The following ASIC2 variants were observed in gnomAD, a reference collection of about 807,000 sequenced individuals.
ASIC2 encodes acid sensing ion channel subunit 2, also known as acid-sensing ion channel 2.
Under a neutral mutation model 57.3 loss-of-function variants are expected in ASIC2, and 25 were observed. That is an observed-to-expected ratio of 0.44 (90% CI 0.32 to 0.61). ASIC2 has a LOEUF of 0.61. Ranked by LOEUF, ASIC2 falls within the 20% of genes least tolerant of loss-of-function variation. The pLI is 0.06. For synonymous variants in ASIC2, 319 were observed against 307.5 expected (o/e 1.04, Z -0.39); for missense variants, 641 against 738.1 (o/e 0.87, Z 1.52).
chr17:33,101,469 C>T (rs2092211863), intron 2 of ASIC2, among the ~76,000 whole-genome samples: 1 of 152,214 alleles, frequency 6.6e-6, no homozygotes, highest in African/African-American at 2.4e-5. Flanking sequence ...GAAGCAACAA[C>T]TTTCAACTGT....
In ASIC2 at chr17:33,281,849, C is replaced by T. The variant is rs1366304960; in HGVS notation, c.708+9559G>A. Among the ~76,000 whole-genome samples the T allele has an allele frequency of 2.0e-5, 3 of 152,158 alleles. No individual in the cohort carries two copies. In the South Asian group the frequency reaches 6.2e-4, roughly 32 times the overall value. On this transcript the variant is annotated intron_variant, in intron 1 of 9. Coordinates refer to ENST00000225823, the MANE Select transcript of ASIC2 (RefSeq NM_183377.2). Reference sequence around the variant, plus strand: ...AGGGTAAGCAGCTCTCTAACGGCCACCCAGCCAACATAATACCTGGCAAAG... The same window carrying T: ...AGGGTAAGCAGCTCTCTAACGGCCATCCAGCCAACATAATACCTGGCAAAG...
At chr17:33,582,268 G>A (rs1044644717) in intron 1 of ASIC2, among the ~76,000 whole-genome samples, 1 of 152,188 alleles carries the variant, frequency 6.6e-6, no homozygotes, top group Non-Finnish European at 1.5e-5. Flanking sequence ...TTATTTGGAG[G>A]CCTTACAGCC....
intron 1 of ASIC2, among the ~76,000 whole-genome samples, chr17:33,816,028 C>A (rs1198765610): frequency 6.6e-6 from 1 of 152,034 alleles, no homozygotes; most frequent in Non-Finnish European, 1.5e-5. Context: ...CATAGGGACA[C>A]TTTGTTATAT....
chr17:33,383,456 G>T (rs1190178881), intron 1 of ASIC2, among the ~76,000 whole-genome samples: 3 of 152,216 alleles, frequency 2.0e-5, no homozygotes, highest in African/African-American at 7.2e-5. Flanking sequence ...TTGATACCAA[G>T]AAATGGATAC....
rs1286153949 is a variant in ASIC2, at chr17:33,957,193, G to T, written c.555+198785C>A. On this transcript the variant is annotated intron_variant, in intron 1 of 9. Transcript: ENST00000359872. ...CCTACATATCCAAAGCTCTGAATTC[G>T]ACTCTGACCCAGATGCTACAACTAT... 2.0e-5 allele frequency among the ~76,000 whole-genome samples: 3 copies of T among 152,094 alleles called. 1 individual carries two copies. Among genetic ancestry groups the T allele is most frequent in the Admixed American group, 6.5e-5 (1 of 15,272 alleles).
intron 1 of ASIC2, among the ~76,000 whole-genome samples, chr17:33,592,095 G>A (rs536705895): frequency 3.3e-5 from 5 of 152,296 alleles, no homozygotes; most frequent in South Asian, 2.1e-4. Context: ...CTCTGGACTC[G>A]TGCCAGGTAC....
chr17:33,238,919 A>G (rs951124054), intron 1 of ASIC2, among the ~76,000 whole-genome samples: 4 of 151,946 alleles, frequency 2.6e-5, no homozygotes, highest in African/African-American at 9.7e-5. Flanking sequence ...ATGGAAAATC[A>G]TTTGAACCTG....
intron 1 of ASIC2, among the ~76,000 whole-genome samples, chr17:33,342,739 T>C (rs565510123): frequency 6.6e-6 from 1 of 152,308 alleles, no homozygotes; most frequent in East Asian, 1.9e-4. Context: ...TTTGCTTATC[T>C]GATGATGGCA....
intron 1 of ASIC2, among the ~76,000 whole-genome samples, chr17:34,153,593 C>T (rs113194559): frequency 3.0e-3 from 464 of 152,354 alleles, no homozygotes; most frequent in African/African-American, 0.011. Context: ...CTCAGCATTG[C>T]TGCCCACTGT....
intron 1 of ASIC2, among the ~76,000 whole-genome samples, chr17:34,094,645 T>A (rs565539637): frequency 3.9e-5 from 6 of 152,184 alleles, no homozygotes; most frequent in Non-Finnish European, 7.4e-5. Flanking sequence ...CAAGAAAAGG[T>A]TATCTAGCTC....
chr17:34,048,960 A>G (rs1308991519), intron 1 of ASIC2, among the ~76,000 whole-genome samples: 13 of 152,174 alleles, frequency 8.5e-5, no homozygotes, highest in Non-Finnish European at 2.9e-5. Flanking sequence ...CCTGATGGGT[A>G]TATCATGTTT....
At chr17:33,266,982 C>A (rs961409820) in intron 1 of ASIC2, among the ~76,000 whole-genome samples, 2 of 152,116 alleles carry the variant, frequency 1.3e-5, no homozygotes, top group Non-Finnish European at 2.9e-5. Context: ...AACAAATTCT[C>A]CACTTTTTGA....
At chr17:33,912,808 C>T (rs752947325) in intron 1 of ASIC2, among the ~76,000 whole-genome samples, 15 of 151,986 alleles carry the variant, frequency 9.9e-5, no homozygotes, top group Non-Finnish European at 1.6e-4. Context: ...GGAGAAACCC[C>T]GTCTCTACTA....
At chr17:33,538,344 T>A (rs17249656) in intron 1 of ASIC2, among the ~76,000 whole-genome samples, 10,641 of 152,202 alleles carry the variant, frequency 0.07, 590 homozygotes, top group East Asian at 0.29. Context: ...AAAGGCTCCA[T>A]ACAGACACGG....
chr17:33,624,494 C>T (rs140790196), intron 1 of ASIC2, among the ~76,000 whole-genome samples: 6 of 152,352 alleles, frequency 3.9e-5, no homozygotes, highest in East Asian at 3.9e-4. Context: ...GGACAAGTCA[C>T]GTTTTCTCCT....
chr17:33,799,352 CTCTT>C lies in ASIC2; in HGVS notation c.555+356622_555+356625del, dbSNP rs543095141. Among the ~76,000 whole-genome samples, 458 of 136,014 alleles carry C rather than the reference CTCTT, an allele frequency of 3.4e-3. 7 individuals are homozygous for C. The highest frequency in any genetic ancestry group is 6.3e-3 in the East Asian group (28 of 4,456). The allele number at this position is 136,014 out of a possible 152,430, so 89.2% of individuals were successfully genotyped here. On this transcript the variant is annotated intron_variant, in intron 1 of 9. Transcript: ENST00000359872. ...CCCTCCCTCTCTGTTTCCTCTCTTTCTCTTTCTTTCTTTCTTTCTTTCTTCCTTT... is the reference window on the plus strand; with the variant it reads ...CCCTCCCTCTCTGTTTCCTCTCTTTCTCTTTCTTTCTTTCTTTCTTCCTTT...
At chr17:33,485,427 G>A (rs992549735) in intron 1 of ASIC2, among the ~76,000 whole-genome samples, 2 of 152,230 alleles carry the variant, frequency 1.3e-5, no homozygotes, top group Admixed American at 6.5e-5. Flanking sequence ...AGCTCCCACT[G>A]GACACACTGT....
intron 1 of ASIC2, among the ~76,000 whole-genome samples, chr17:33,704,604 C>T (rs1445439643): frequency 2.6e-5 from 4 of 152,184 alleles, no homozygotes; most frequent in African/African-American, 9.7e-5. Context: ...TTCTTTTAAA[C>T]TAACAGGATA....
intron 1 of ASIC2, among the ~76,000 whole-genome samples, chr17:33,853,878 C>T (rs1001846181): frequency 1.2e-4 from 18 of 152,268 alleles, no homozygotes; most frequent in African/African-American, 3.6e-4. Context: ...AACAGGTAGA[C>T]GCTTAACCTT....
Sources: allele counts gnomAD v4.1 joint callset (sites outside exome capture counted in the v4.1 genomes callset), GRCh38; gene constraint gnomAD v4.1.1; transcripts MANE v1.5; gene names NCBI Gene and HGNC (gene_info 2026-07-23, HGNC 2026-07-21).